Variants in RGS7 observed in about 807,000 individuals in gnomAD.
The protein encoded by RGS7 is regulator of G-protein signaling 7.
In RGS7, 27 loss-of-function variants were observed where a neutral mutation model predicts 81.1. That is an observed-to-expected ratio of 0.33 (90% CI 0.25 to 0.46). The LOEUF (loss-of-function observed/expected upper bound fraction) is 0.46, where lower values mean the gene tolerates loss of function less well. Ranked by LOEUF, RGS7 falls within the 20% of genes least tolerant of loss-of-function variation. The pLI is 1.00. For missense variants in RGS7, 396 were observed against 607.4 expected, an observed-to-expected ratio of 0.65 and a Z score of 3.66; for synonymous variants, 208 against 207.7, an observed-to-expected ratio of 1.00 and a Z score of -0.01.
At chr1:240,862,530 A>C (rs988779711) in intron 9 of RGS7, among the ~76,000 whole-genome samples, 3 of 152,222 alleles carry the variant, frequency 2.0e-5, no homozygotes, top group Non-Finnish European at 4.4e-5. Context: ...TTGAATTAAA[A>C]GCTTTAGAAG....
At chr1:240,920,574 A>C (rs1175034868) in intron 6 of RGS7, 3 of 866,176 alleles carry the variant, frequency 3.5e-6, no homozygotes, top group Non-Finnish European at 5.8e-6. Context: ...TGGTGGTTGC[A>C]GTAACAGCAG....
At chr1:241,300,540 C>T (rs1403184356) in intron 2 of RGS7, among the ~76,000 whole-genome samples, 1 of 152,188 alleles carries the variant, frequency 6.6e-6, no homozygotes, top group Admixed American at 6.5e-5. Flanking sequence ...TTCAGATAGA[C>T]TTCTTTCACT....
At chr1:240,858,925 T>C (rs1366159099) in intron 9 of RGS7, among the ~76,000 whole-genome samples, 1 of 152,196 alleles carries the variant, frequency 6.6e-6, no homozygotes, top group Admixed American at 6.5e-5. Flanking sequence ...TCTTTGTTCA[T>C]GAGAGACATT....
intron 2 of RGS7, among the ~76,000 whole-genome samples, chr1:241,172,800 G>C (rs936402574): frequency 6.6e-6 from 1 of 152,206 alleles, no homozygotes; most frequent in African/African-American, 2.4e-5. Flanking sequence ...CAAAGAGAAT[G>C]CAATAAGTAG....
intron 2 of RGS7, among the ~76,000 whole-genome samples, chr1:241,266,245 G>A (rs958794036): frequency 1.3e-5 from 2 of 152,140 alleles, no homozygotes; most frequent in Non-Finnish European, 2.9e-5. Context: ...TTTTAATCAT[G>A]TTATTTTTCC....
At chr1:240,924,943 G>A (rs1674174150) in intron 6 of RGS7, among the ~76,000 whole-genome samples, 1 of 152,096 alleles carries the variant, frequency 6.6e-6, no homozygotes, top group Non-Finnish European at 1.5e-5. Flanking sequence ...AAATGGACAA[G>A]GATTTGGGTG....
chr1:241,208,019 C>T (rs530456593), intron 2 of RGS7, among the ~76,000 whole-genome samples: 34 of 152,098 alleles, frequency 2.2e-4, no homozygotes, highest in African/African-American at 8.2e-4. Flanking sequence ...GATTCTCCTT[C>T]CTCAGCCTCC....
At chr1:240,895,098 C>T (rs956458307) in intron 6 of RGS7, among the ~76,000 whole-genome samples, 9 of 151,992 alleles carry the variant, frequency 5.9e-5, no homozygotes, top group Non-Finnish European at 1.3e-4. Flanking sequence ...TTCCCCCTCA[C>T]TCTCTCCCTC....
chr1:241,221,728 C>T (rs980549566), intron 2 of RGS7, among the ~76,000 whole-genome samples: 2 of 152,152 alleles, frequency 1.3e-5, no homozygotes, highest in African/African-American at 4.8e-5. Context: ...AGACTGACCA[C>T]CCCCAACTGA....
At chr1:240,814,802 T>C (rs1690506303) in intron 11 of RGS7, 25 bp from the exon 12 acceptor site, 2 of 1,400,398 alleles carry the variant, frequency 1.4e-6, no homozygotes, top group East Asian at 4.6e-5. Flanking sequence ...AGAGAAGGAG[T>C]TACATAAGTA....
intron 3 of RGS7, among the ~76,000 whole-genome samples, chr1:241,071,790 C>A (rs558324333): frequency 4.0e-4 from 56 of 139,900 alleles, no homozygotes; most frequent in African/African-American, 1.4e-3. Flanking sequence ...GGGAGGATCC[C>A]TTGGGCCCAG....
intron 6 of RGS7, among the ~76,000 whole-genome samples, chr1:240,909,657 G>T (rs1286102691): frequency 6.6e-6 from 1 of 152,216 alleles, no homozygotes; most frequent in Non-Finnish European, 1.5e-5. Context: ...TACGACAGAA[G>T]TAGTAGGCCA....
At chr1:240,944,079 A>C (rs1325694404) in intron 4 of RGS7, among the ~76,000 whole-genome samples, 1 of 151,952 alleles carries the variant, frequency 6.6e-6, no homozygotes, top group Non-Finnish European at 1.5e-5. Flanking sequence ...ATGACATCTT[A>C]GGCATTCTGC....
chr1:240,855,439 C>CT (rs568146649), intron 9 of RGS7, among the ~76,000 whole-genome samples: 2,208 of 144,172 alleles, frequency 0.015, 57 homozygotes, highest in African/African-American at 0.05. Context: ...TTGTTTCTTC[C>CT]TTTTTTTTTG....
chr1:240,899,251 G>A (rs564840021), intron 6 of RGS7, among the ~76,000 whole-genome samples: 2 of 152,252 alleles, frequency 1.3e-5, no homozygotes, highest in South Asian at 4.1e-4. Flanking sequence ...TTGCCAGCCT[G>A]TGTCTTTTAA....
At chr1:240,820,107 G>GA (rs529748253) in intron 10 of RGS7, among the ~76,000 whole-genome samples, 13 of 152,036 alleles carry the variant, frequency 8.6e-5, no homozygotes, top group Non-Finnish European at 1.6e-4. Flanking sequence ...GCATGTTTTA[G>GA]AAAAAAAATG....
At chr1:240,982,805 T>G (rs1055256102) in intron 4 of RGS7, among the ~76,000 whole-genome samples, 1 of 152,218 alleles carries the variant, frequency 6.6e-6, no homozygotes, top group Non-Finnish European at 1.5e-5. Flanking sequence ...TTTATGGACA[T>G]GTATACAGCT....
chr1:240,852,245 AC>A (rs1660239432), intron 9 of RGS7, among the ~76,000 whole-genome samples: 1 of 152,246 alleles, frequency 6.6e-6, no homozygotes. Context: ...AAGATCTCCC[AC>A]AAACAAAAAG....
At chr1:241,152,536 C>T (rs1012750186) in intron 2 of RGS7, among the ~76,000 whole-genome samples, 18 of 152,154 alleles carry the variant, frequency 1.2e-4, no homozygotes, top group African/African-American at 4.3e-4. Context: ...GAATATTGTG[C>T]AGGCGTAGGT....
Sources: gnomAD v4.1 joint callset for allele counts (sites outside exome capture counted in the v4.1 genomes callset) on GRCh38, gnomAD v4.1.1 for gene constraint, MANE v1.5 for transcripts, NCBI Gene and HGNC (gene_info 2026-07-23, HGNC 2026-07-21) for gene names.